TBC1D5: variants seen among roughly 807,000 people sequenced by gnomAD.
The protein encoded by TBC1D5 is TBC1 domain family member 5.
Under a neutral mutation model 100.3 loss-of-function variants are expected in TBC1D5, and 75 were observed. The ratio of observed to expected loss-of-function variants is 0.75; its 90% CI spans 0.62 to 0.91. The LOEUF is 0.91. TBC1D5 is among the 40% of genes least tolerant of loss of function. The probability of loss-of-function intolerance (pLI) is 0.00; values close to 1 mark genes in which losing one functional copy is unlikely to be tolerated. For synonymous variants in TBC1D5, 323 were observed against 325.6 expected, an observed-to-expected ratio of 0.99 and a Z score of 0.09; for missense variants, 910 against 942.4, an observed-to-expected ratio of 0.97 and a Z score of 0.45.
At chr3:17,505,901 CAATT>C (rs1366384188) in intron 3 of TBC1D5, among the ~76,000 whole-genome samples, 4 of 152,102 alleles carry the variant, frequency 2.6e-5, no homozygotes, top group South Asian at 4.1e-4. Flanking sequence ...TTTGAAAAAA[CAATT>C]AAAGCAGTTA....
intron 13 of TBC1D5, among the ~76,000 whole-genome samples, chr3:17,310,554 C>T (rs939187417): frequency 2.0e-5 from 3 of 151,956 alleles, no homozygotes; most frequent in Admixed American, 2.0e-4. Context: ...ATACACTTTG[C>T]TAAGTGCTTT....
intron 15 of TBC1D5, among the ~76,000 whole-genome samples, chr3:17,280,921 A>G (rs1265315448): frequency 3.3e-5 from 5 of 152,186 alleles, no homozygotes; most frequent in Non-Finnish European, 5.9e-5. Flanking sequence ...ACTCCCTGCT[A>G]GATGCTGCAG....
chr3:17,648,031 T>C (rs2065170077), intron 1 of TBC1D5, among the ~76,000 whole-genome samples: 1 of 152,028 alleles, frequency 6.6e-6, no homozygotes, highest in Non-Finnish European at 1.5e-5. Flanking sequence ...GCCAAGGCAA[T>C]CCTAGGCAAA....
chr3:17,590,220 G>C (rs1356993615), intron 2 of TBC1D5, among the ~76,000 whole-genome samples: 1 of 152,184 alleles, frequency 6.6e-6, no homozygotes, highest in African/African-American at 2.4e-5. Context: ...TGGAGAACAG[G>C]CATGGGAATG....
chr3:17,734,464 T>A (rs1034637632), intron 1 of TBC1D5, among the ~76,000 whole-genome samples: 2 of 152,098 alleles, frequency 1.3e-5, no homozygotes, highest in African/African-American at 4.8e-5. Flanking sequence ...CAACTAAACA[T>A]GTTCTAGAAT....
intron 3 of TBC1D5, among the ~76,000 whole-genome samples, chr3:17,483,302 A>T (rs2095522169): frequency 3.3e-5 from 5 of 151,468 alleles, no homozygotes; most frequent in African/African-American, 1.2e-4. Flanking sequence ...CCCCCACCCC[A>T]CCCCATACTT....
intron 18 of TBC1D5, among the ~76,000 whole-genome samples, chr3:17,207,820 A>G (rs988301390): frequency 6.6e-6 from 1 of 152,228 alleles, no homozygotes; most frequent in Non-Finnish European, 1.5e-5. Context: ...ACTGATAGCT[A>G]CTACTATATT....
intron 15 of TBC1D5, among the ~76,000 whole-genome samples, chr3:17,259,309 G>A (rs945585283): frequency 2.6e-5 from 4 of 151,964 alleles, no homozygotes; most frequent in African/African-American, 7.2e-5. Context: ...TTAGGTCCAC[G>A]GTGTCTGTTT....
At chr3:17,451,424 A>G (rs1366617386) in intron 3 of TBC1D5, among the ~76,000 whole-genome samples, 1 of 152,222 alleles carries the variant, frequency 6.6e-6, no homozygotes. Context: ...GTCATTAGAA[A>G]AATGCAAATC....
At chr3:17,484,489 T>TGTG (rs2095536751) in intron 3 of TBC1D5, among the ~76,000 whole-genome samples, 8 of 133,290 alleles carry the variant, frequency 6.0e-5, no homozygotes, top group South Asian at 2.4e-4. Flanking sequence ...TGTGTGTGTG[T>TGTG]TTGGGTAACA....
At chr3:17,578,872 G>A (rs2096674042) in intron 2 of TBC1D5, among the ~76,000 whole-genome samples, 1 of 152,002 alleles carries the variant, frequency 6.6e-6, no homozygotes, top group Non-Finnish European at 1.5e-5. Flanking sequence ...GACAGAAATT[G>A]TGAACTCCAA....
chr3:17,651,633 G>A (rs1193537537), intron 1 of TBC1D5, among the ~76,000 whole-genome samples: 2 of 152,162 alleles, frequency 1.3e-5, no homozygotes, highest in Admixed American at 1.3e-4. Context: ...AACCAGGGAG[G>A]CAGAGGTTGC....
At chr3:17,256,553 A>G (rs1334297944) in intron 16 of TBC1D5, among the ~76,000 whole-genome samples, 9 of 151,710 alleles carry the variant, frequency 5.9e-5, no homozygotes, top group Non-Finnish European at 1.2e-4. Context: ...AAAATCATGA[A>G]GGGGAGAAAA....
At chr3:17,604,984 G>C (rs1174183893) in intron 2 of TBC1D5, among the ~76,000 whole-genome samples, 1 of 152,132 alleles carries the variant, frequency 6.6e-6, no homozygotes, top group African/African-American at 2.4e-5. Flanking sequence ...CCAGATCCAT[G>C]ATATTTTGAA....
rs145907394 is a variant in TBC1D5, at chr3:17,410,734, G to A, written c.168-4208C>T. ...AAAAATAACAAGAAAACTAGAAGTA[G>A]AAGTGGAACCTGAAGATGTGACTTA... On this transcript the variant is annotated intron_variant, in intron 4 of 21. Transcript: ENST00000253692. 1.7e-3 allele frequency among the ~76,000 whole-genome samples: 257 copies of A among 152,236 alleles called. 2 individuals are homozygous for A. Among genetic ancestry groups the A allele is most frequent in the Non-Finnish European group, 2.7e-3 (185 of 68,000 alleles).
chr3:17,635,509 C>T (rs1402493763), intron 1 of TBC1D5, among the ~76,000 whole-genome samples: 1 of 151,936 alleles, frequency 6.6e-6, no homozygotes, highest in African/African-American at 2.4e-5. Context: ...GGAGAAACCC[C>T]ATCTCTACTA....
chr3:17,714,245 GCCAAGTAGAACTAATAAC>G (rs2075030610), intron 1 of TBC1D5, among the ~76,000 whole-genome samples: 1 of 152,152 alleles, frequency 6.6e-6, no homozygotes, highest in Non-Finnish European at 1.5e-5. Flanking sequence ...TTGAAAACAT[GCCAAGTAGAACTAATAAC>G]CCATAGATGC....
exon 19 of TBC1D5, chr3:17,185,202 C>G: frequency 6.2e-7 from 1 of 1,612,754 alleles, no homozygotes; most frequent in Non-Finnish European, 8.5e-7. Context: ...GCTTCTAATT[C>G]TTCTTCCTAA....
chr3:17,201,591 T>A (rs185824432), intron 18 of TBC1D5, among the ~76,000 whole-genome samples: 43 of 152,308 alleles, frequency 2.8e-4, no homozygotes, highest in African/African-American at 9.9e-4. Context: ...TAATCCCCAG[T>A]GTTACAGCAG....
Sources: gnomAD v4.1 joint callset for allele counts (sites outside exome capture counted in the v4.1 genomes callset) on GRCh38, gnomAD v4.1.1 for gene constraint, MANE v1.5 for transcripts, NCBI Gene and HGNC (gene_info 2026-07-23, HGNC 2026-07-21) for gene names.